The following TEAD4 variants were observed in gnomAD, a reference collection of about 807,000 sequenced individuals.
TEAD4 encodes the protein transcriptional enhancer factor TEF-3.
Under a neutral mutation model 52.4 loss-of-function variants are expected in TEAD4, and 36 were observed. The ratio of observed to expected loss-of-function variants is 0.69; its 90% CI spans 0.53 to 0.91. The LOEUF (loss-of-function observed/expected upper bound fraction) is 0.91, where lower values mean the gene tolerates loss of function less well. TEAD4 is among the 40% of genes least tolerant of loss of function. The probability of loss-of-function intolerance (pLI) is 0.00; values close to 1 mark genes in which losing one functional copy is unlikely to be tolerated. For synonymous variants in TEAD4, 220 were observed against 231.0 expected, an observed-to-expected ratio of 0.95 and a Z score of 0.43; for missense variants, 508 against 583.9, an observed-to-expected ratio of 0.87 and a Z score of 1.34.
chr12:3,034,488 A>G (rs892357048), intron 10 of TEAD4, among the ~76,000 whole-genome samples: 2 of 152,124 alleles, frequency 1.3e-5, no homozygotes, highest in African/African-American at 2.4e-5. Context: ...AAGCAGGGTA[A>G]TAGAGGGGGA....
intron 3 of TEAD4, among the ~76,000 whole-genome samples, chr12:3,004,838 A>G (rs569709617): frequency 2.0e-5 from 3 of 152,304 alleles, no homozygotes; most frequent in Non-Finnish European, 2.9e-5. Context: ...GCCTGGAGGC[A>G]GGGAGATGGC....
At chr12:3,007,572 T>C (rs1398866630) in intron 3 of TEAD4, among the ~76,000 whole-genome samples, 1 of 152,206 alleles carries the variant, frequency 6.6e-6, no homozygotes, top group African/African-American at 2.4e-5. Flanking sequence ...TCCCTAAACT[T>C]AATTTTTGCT....
At chr12:3,031,702 A>G (rs74054836) in intron 10 of TEAD4, among the ~76,000 whole-genome samples, 4,716 of 152,278 alleles carry the variant, frequency 0.031, 97 homozygotes, top group African/African-American at 0.044. Context: ...CACACGTCTC[A>G]TCCTCACCAC....
chr12:2,994,635 C>T lies in TEAD4; in HGVS notation c.-29-103C>T. 7.1e-7 allele frequency: 1 copy of T among 1,408,750 alleles called. No homozygotes were observed. The highest frequency in any genetic ancestry group is 9.3e-7 in the Non-Finnish European group (1 of 1,074,354). 87.3% of individuals were successfully genotyped at this position (1,408,750 alleles called of 1,614,324 possible). A position where few individuals can be genotyped will look rare whatever the true frequency, so the allele number is the denominator to read the frequency against. On this transcript the variant is annotated intron_variant, in intron 2 of 12. Coordinates refer to ENST00000359864, the MANE Select transcript of TEAD4 (RefSeq NM_003213.4). The surrounding 1 kb of genome is among the most constrained non-coding windows in gnomAD (Gnocchi z 4.7). Reference sequence around the variant, plus strand: ...GATCTTTCACTTCACGCTTTGCTTCCTGAGCAACTGATTCGGGCTCTGGCA... The same window carrying T: ...GATCTTTCACTTCACGCTTTGCTTCTTGAGCAACTGATTCGGGCTCTGGCA...
intron 2 of TEAD4, among the ~76,000 whole-genome samples, chr12:2,961,877 C>T (rs1054726670): frequency 3.3e-5 from 5 of 152,048 alleles, no homozygotes; most frequent in Non-Finnish European, 4.4e-5. Flanking sequence ...AAACATGAAT[C>T]GAGCATTTAC....
At chr12:2,977,540 A>G (rs2098230777) in intron 2 of TEAD4, among the ~76,000 whole-genome samples, 1 of 152,172 alleles carries the variant, frequency 6.6e-6, no homozygotes, top group Non-Finnish European at 1.5e-5. Flanking sequence ...GCTGCCGTGC[A>G]TTGCCTTGCA....
At chr12:2,988,314 A>G (rs1283370297) in intron 2 of TEAD4, among the ~76,000 whole-genome samples, 1 of 151,946 alleles carries the variant, frequency 6.6e-6, no homozygotes, top group Non-Finnish European at 1.5e-5. Context: ...GGAGTTCCAG[A>G]CCAGCCTGGC....
At chr12:2,977,376 CT>C (rs1396411542) in intron 2 of TEAD4, among the ~76,000 whole-genome samples, 1 of 152,148 alleles carries the variant, frequency 6.6e-6, no homozygotes, top group East Asian at 1.9e-4. Flanking sequence ...CCAGGCATTG[CT>C]CAAGGGGTCC....
At chr12:3,033,056 C>G (rs780186894) in intron 10 of TEAD4, among the ~76,000 whole-genome samples, 1 of 152,198 alleles carries the variant, frequency 6.6e-6, no homozygotes, top group Non-Finnish European at 1.5e-5. Context: ...TCGCCTCTCC[C>G]GGAGCCTTTC....
intron 10 of TEAD4, among the ~76,000 whole-genome samples, chr12:3,035,316 C>T (rs1383991599): frequency 6.6e-6 from 1 of 152,184 alleles, no homozygotes; most frequent in Non-Finnish European, 1.5e-5. Flanking sequence ...ACCATTGATG[C>T]CTGGCCTCAC....
rs759773610 is a variant in TEAD4 at position 3,040,521 on chromosome 12, G to A, written c.*43G>A. The A allele has an allele frequency of 1.3e-6, 2 of 1,578,834 alleles. No individual in the cohort carries two copies. Among genetic ancestry groups the A allele is most frequent in the South Asian group, 2.2e-5 (2 of 89,548 alleles). On this transcript the variant is annotated 3_prime_UTR_variant, in exon 13 of 13. Transcript: ENST00000359864. Reference sequence around the variant, plus strand: ...GAGGGGGGAAGAGACGTGTGTGCAGGAAACGGGGACGTGGGGAGGGGACCT... The same window carrying A: ...GAGGGGGGAAGAGACGTGTGTGCAGAAAACGGGGACGTGGGGAGGGGACCT...
intron 3 of TEAD4, 93 bp from the exon 4 acceptor site, chr12:3,010,911 G>A: frequency 7.2e-7 from 1 of 1,392,852 alleles, no homozygotes; most frequent in Admixed American, 1.7e-5. Context: ...GAGAGTGAGG[G>A]CAGGGCTCCT....
intron 10 of TEAD4, among the ~76,000 whole-genome samples, chr12:3,035,119 A>AT (rs1251554069): frequency 6.6e-6 from 1 of 151,976 alleles, no homozygotes; most frequent in Non-Finnish European, 1.5e-5. Context: ...AAATTAAAAA[A>AT]ATAGTTATAT....
At chr12:2,991,397 C>T (rs1235811983) in intron 2 of TEAD4, among the ~76,000 whole-genome samples, 2 of 152,170 alleles carry the variant, frequency 1.3e-5, no homozygotes, top group African/African-American at 2.4e-5. Flanking sequence ...CATGATGGCT[C>T]ACGCCTGTGA....
rs143176270 is a variant in TEAD4, at chr12:2,984,158, C to T, written c.-29-10580C>T. On this transcript the variant is annotated intron_variant, in intron 2 of 12. Coordinates refer to ENST00000359864, the MANE Select transcript of TEAD4 (RefSeq NM_003213.4). ...GGAGGTGGGTTCAAAGAAGGAAGTA[C>T]AGAGGGTGGTGCCTGTGTGCGGAAG... 4.5e-3 allele frequency among the ~76,000 whole-genome samples: 681 copies of T among 152,198 alleles called. 1 individual carries two copies. The highest frequency in any genetic ancestry group is 9.1e-3 in the Admixed American group (139 of 15,292).
intron 5 of TEAD4, among the ~76,000 whole-genome samples, chr12:3,014,601 C>G (rs563848460): frequency 1.3e-5 from 2 of 152,166 alleles, no homozygotes; most frequent in East Asian, 3.8e-4. Context: ...GCCCCGTGGC[C>G]GTGAGTGCTT....
intron 10 of TEAD4, 127 bp downstream of exon 10, chr12:3,022,144 G>A: frequency 7.9e-7 from 1 of 1,265,666 alleles, no homozygotes; most frequent in Non-Finnish European, 1.1e-6. Context: ...GTGAGAAGGG[G>A]AGAGTAAGCC....
In TEAD4 at chr12:3,020,677, C is replaced by T. The variant is rs1370426745; in HGVS notation, c.627C>T (p.Pro209=). The T allele has an allele frequency of 2.5e-6, 4 of 1,605,114 alleles. No individual in the cohort carries two copies. The East Asian group carries it at 6.8e-5, about 27-fold the overall frequency. Residue 209 remains proline, a synonymous_variant, in exon 9 of 13, where the codon CCC becomes CCT. Transcript: ENST00000359864. ...GGCCCGCCCCATCGCCCTCTGCGCC[C>T]CCGGCACCCCCATGGCAGGGCCGCA... is the stretch of plus-strand genomic sequence containing the variant.
intron 2 of TEAD4, among the ~76,000 whole-genome samples, chr12:2,990,459 A>ATTTTTTTTT (rs1364654221): frequency 1.6e-5 from 1 of 60,770 alleles, no homozygotes; most frequent in African/African-American, 7.7e-5. Context: ...AAGACAGATA[A>ATTTTTTTTT]TCTTTTTTTT....
Sources: allele counts gnomAD v4.1 joint callset (sites outside exome capture counted in the v4.1 genomes callset), GRCh38; gene constraint gnomAD v4.1.1; non-coding constraint Gnocchi (gnomAD v3.1); transcripts MANE v1.5; gene names NCBI Gene and HGNC (gene_info 2026-07-23, HGNC 2026-07-21).